Variants in ZC3H13 observed in about 807,000 individuals in gnomAD.
ZC3H13 encodes zinc finger CCCH domain-containing protein 13.
ZC3H13 carries 64 observed loss-of-function variants against 204.1 expected under a neutral mutation model. The ratio of observed to expected loss-of-function variants is 0.31; its 90% confidence interval spans 0.26 to 0.39. ZC3H13 has a LOEUF of 0.39. Among genes scored for constraint, ZC3H13 ranks in the 10% least tolerant of loss-of-function variants. The pLI is 1.00. For synonymous variants in ZC3H13, 667 were observed against 693.7 expected (o/e 0.96, Z 0.60); for missense variants, 1,833 against 2,082.7 (o/e 0.88, Z 2.33).
intron 4 of ZC3H13, among the ~76,000 whole-genome samples, chr13:46,028,267 G>A (rs980170873): frequency 6.6e-6 from 1 of 152,066 alleles, no homozygotes; most frequent in Non-Finnish European, 1.5e-5. Flanking sequence ...CGTCCAGTCT[G>A]CAAAAATACA....
chr13:46,008,132 T>C (rs748591250), intron 7 of ZC3H13, among the ~76,000 whole-genome samples: 3 of 152,080 alleles, frequency 2.0e-5, no homozygotes, highest in South Asian at 2.1e-4. Flanking sequence ...ACCAAGAAAT[T>C]TGTTTACCTG....
intron 2 of ZC3H13, 43 bp downstream of exon 2, chr13:46,045,348 G>C: frequency 6.8e-7 from 1 of 1,481,088 alleles, no homozygotes; most frequent in Non-Finnish European, 9.4e-7. Context: ...TTCAATAATA[G>C]AATTCTAAGA....
intron 7 of ZC3H13, among the ~76,000 whole-genome samples, chr13:46,009,265 AG>A (rs2138627703): frequency 6.6e-6 from 1 of 152,292 alleles, no homozygotes; most frequent in South Asian, 2.1e-4. Context: ...TGTCATTCTA[AG>A]GAATCTGAAT....
At chr13:46,011,108 G>A (rs559191027) in intron 6 of ZC3H13, among the ~76,000 whole-genome samples, 70 of 151,974 alleles carry the variant, frequency 4.6e-4, no homozygotes, top group African/African-American at 1.6e-3. Flanking sequence ...AAGAAACAAG[G>A]CATTCTAGAA....
intron 11 of ZC3H13, among the ~76,000 whole-genome samples, chr13:45,977,366 A>G (rs147685719): frequency 6.6e-6 from 1 of 152,302 alleles, no homozygotes; most frequent in East Asian, 1.9e-4. Context: ...AATTACAGCA[A>G]TATCAGCAAA....
chr13:46,050,454 C>T (rs886473367), intron 1 of ZC3H13, among the ~76,000 whole-genome samples: 21 of 152,062 alleles, frequency 1.4e-4, no homozygotes, highest in Admixed American at 1.3e-3. Flanking sequence ...CACTTTAATC[C>T]GGATGAGTAG....
intron 7 of ZC3H13, among the ~76,000 whole-genome samples, chr13:46,006,795 T>C: frequency 6.9e-6 from 1 of 144,952 alleles, no homozygotes; most frequent in Non-Finnish European, 1.5e-5. Flanking sequence ...TGAGAAAATG[T>C]AGCTCTCTTA....
intron 12 of ZC3H13, among the ~76,000 whole-genome samples, chr13:45,972,411 A>G (rs931995517): frequency 2.0e-5 from 3 of 152,146 alleles, no homozygotes; most frequent in Admixed American, 1.3e-4. Context: ...AAAGGCATAC[A>G]GAGTGATATA....
At position 45,955,637 on chromosome 13, in the gene ZC3H13, G is replaced by A. The variant is rs1951236799; in HGVS notation, c.*1490C>T. The A allele has an allele frequency of 6.6e-6, 1 of 152,150 alleles. No individual in the cohort carries two copies. The highest frequency in any genetic ancestry group is 6.5e-5 in the Admixed American group (1 of 15,286). 9.4% of individuals were successfully genotyped at this position (152,150 alleles called of 1,614,324 possible). On this transcript the variant is annotated 3_prime_UTR_variant, in exon 19 of 19. Coordinates refer to ENST00000679008, the MANE Select transcript of ZC3H13 (RefSeq NM_001330564.2). Reference sequence around the variant, plus strand: ...TATTATCCACTAAAATCAGGAAGTGGCTTCCTGAAGGGTATTCATTCTCTG... The same window carrying A: ...TATTATCCACTAAAATCAGGAAGTGACTTCCTGAAGGGTATTCATTCTCTG...
chr13:45,966,867 G>A (rs564299672), intron 15 of ZC3H13, among the ~76,000 whole-genome samples: 1 of 152,254 alleles, frequency 6.6e-6, no homozygotes, highest in South Asian at 2.1e-4. Flanking sequence ...TGGTATGAGT[G>A]GGTACAAAGA....
Position 46,052,497 on chromosome 13 carries a change from G to A in ZC3H13, c.-103C>T, listed in dbSNP as rs919133685. 2 of 398,408 alleles carry A rather than the reference G, an allele frequency of 5.0e-6. No individual in the cohort carries two copies. Among genetic ancestry groups the A allele is most frequent in the South Asian group, 1.3e-4 (1 of 7,858 alleles). The allele number at this position is 398,408 out of a possible 1,614,324, so 24.7% of individuals were successfully genotyped here. ...GGGAGGCGACTCTGTCCCCGCGCCT[G>A]GACCCAGGAGGACGACGACGAGGAG... On this transcript the variant is annotated 5_prime_UTR_variant, in exon 1 of 19. Coordinates refer to ENST00000679008, the MANE Select transcript of ZC3H13 (RefSeq NM_001330564.2).
chr13:45,999,704 G>T (rs1464900380), intron 8 of ZC3H13, among the ~76,000 whole-genome samples: 1 of 152,148 alleles, frequency 6.6e-6, no homozygotes, highest in East Asian at 1.9e-4. Context: ...TGTGAATGAC[G>T]AATGTTCTTA....
chr13:45,987,725 G>A (rs1033132401), intron 9 of ZC3H13, among the ~76,000 whole-genome samples: 1 of 152,108 alleles, frequency 6.6e-6, no homozygotes, highest in African/African-American at 2.4e-5. Flanking sequence ...ACCAAGAGGC[G>A]CTTAAAGTGC....
rs758382107 is a variant in ZC3H13 at position 45,969,304 on chromosome 13, T to C, written c.3240A>G (p.Glu1080=). 6.2e-7 allele frequency: 1 copy of C among 1,613,854 alleles called. No individual in the cohort carries two copies. The highest frequency in any genetic ancestry group is 1.3e-5 in the African/African-American group (1 of 74,926). The change falls in exon 14 of 19, where the codon GAA becomes GAG. Residue 1080 remains glutamate, a synonymous_variant. Transcript: ENST00000679008. The stretch of plus-strand genomic sequence containing the variant: ...TCGTGGCGGTGGCAGTATGCTCTGC[T>C]TCTGTCACCTCTGTACGGTCAGGGA... ...EDVPDRTEVT[E]AEHTATATTP...
chr13:45,962,253 TAGA>T (rs1016997350), intron 17 of ZC3H13: 8 of 985,174 alleles, frequency 8.1e-6, no homozygotes, highest in African/African-American at 3.5e-5. Flanking sequence ...GCAGCAAAAA[TAGA>T]AGAAGTCTGA....
intron 12 of ZC3H13, among the ~76,000 whole-genome samples, chr13:45,973,141 A>C (rs1952725658): frequency 1.3e-5 from 2 of 152,234 alleles, no homozygotes; most frequent in South Asian, 4.1e-4. Flanking sequence ...GTGATGTGTT[A>C]TATATCAAGA....
At chr13:46,000,308 ATTTGT>A (rs965383880) in intron 8 of ZC3H13, among the ~76,000 whole-genome samples, 61 of 152,228 alleles carry the variant, frequency 4.0e-4, no homozygotes, top group African/African-American at 1.3e-3. Flanking sequence ...TACACTGAAA[ATTTGT>A]TTAGTGTGGC....
Position 46,006,104 on chromosome 13 carries a change from G to A in ZC3H13, c.747-2768C>T, listed in dbSNP as rs151003336. Among the ~76,000 whole-genome samples, 384 of 145,448 alleles carry A rather than the reference G, an allele frequency of 2.6e-3. 2 individuals carry two copies. The highest frequency in any genetic ancestry group is 4.2e-3 in the Non-Finnish European group (278 of 66,280). On this transcript the variant is annotated intron_variant, in intron 7 of 18. Transcript: ENST00000679008. ...TGTCCCAAAAAAAAAAAAAAAAGTTGTTCAACCTGGCACCAACCAGATCGA... is the reference window on the plus strand; with the variant it reads ...TGTCCCAAAAAAAAAAAAAAAAGTTATTCAACCTGGCACCAACCAGATCGA...
chr13:45,998,449 T>A (rs1012022348), intron 8 of ZC3H13, among the ~76,000 whole-genome samples: 2 of 151,604 alleles, frequency 1.3e-5, no homozygotes, highest in African/African-American at 4.9e-5. Context: ...ATTGACACCA[T>A]CCTGACTAAC....
Sources: allele counts gnomAD v4.1 joint callset (sites outside exome capture counted in the v4.1 genomes callset), GRCh38; gene constraint gnomAD v4.1.1; transcripts MANE v1.5; gene names NCBI Gene and HGNC (gene_info 2026-07-23, HGNC 2026-07-21).